Variants in STPG2 observed in about 807,000 individuals in gnomAD.
STPG2 encodes sperm tail PG-rich repeat containing 2.
In STPG2, 56 loss-of-function variants were observed where a neutral mutation model predicts 54.2. That is an observed-to-expected ratio of 1.03 (90% confidence interval 0.83 to 1.29). STPG2 has a LOEUF of 1.29. Among genes scored for constraint, STPG2 ranks in the 50% most tolerant of loss-of-function variants. The pLI is 0.00. For synonymous variants in STPG2, 200 were observed against 181.8 expected (o/e 1.10, Z -0.81); for missense variants, 596 against 544.9 (o/e 1.09, Z -0.93).
chr4:97,558,899 G>T lies in STPG2; in HGVS notation c.*159C>A, dbSNP rs889548060. 3 of 586,670 alleles carry T rather than the reference G, an allele frequency of 5.1e-6. No homozygotes were observed. Among genetic ancestry groups the T allele is most frequent in the Non-Finnish European group, 9.1e-6 (3 of 330,748 alleles). The allele number at this position is 586,670 out of a possible 1,614,324, so 36.3% of individuals were successfully genotyped here. On this transcript the variant is annotated 3_prime_UTR_variant, in exon 11 of 11. Coordinates refer to ENST00000295268, the MANE Select transcript of STPG2 (RefSeq NM_174952.3). Reference sequence around the variant, plus strand: ...TTGTCTTAACAAGGTTTATTTCTCCGTGGTTGTGTCATATAGTCACTAAAG... The same window carrying T: ...TTGTCTTAACAAGGTTTATTTCTCCTTGGTTGTGTCATATAGTCACTAAAG...
chr4:98,071,760 A>T (rs1010005442), intron 5 of STPG2, among the ~76,000 whole-genome samples: 1 of 152,190 alleles, frequency 6.6e-6, no homozygotes, highest in Admixed American at 6.5e-5. Context: ...CTAAACAGAC[A>T]CTTCTCAAAG....
chr4:97,555,868 G>A (rs547981505), downstream of STPG2, among the ~76,000 whole-genome samples: 6 of 152,134 alleles, frequency 3.9e-5, no homozygotes, highest in South Asian at 1.2e-3. Flanking sequence ...CTCTTGCTCT[G>A]AGTAAGTCAT....
intron 10 of STPG2, among the ~76,000 whole-genome samples, chr4:97,651,498 A>C (rs766964612): frequency 1.3e-5 from 2 of 152,114 alleles, no homozygotes; most frequent in African/African-American, 4.8e-5. Flanking sequence ...AATTAATATC[A>C]TCAAGGTAGA....
At chr4:97,950,869 G>C (rs1733438920) in intron 7 of STPG2, among the ~76,000 whole-genome samples, 1 of 152,144 alleles carries the variant, frequency 6.6e-6, no homozygotes, top group Non-Finnish European at 1.5e-5. Context: ...TTAGCCACAA[G>C]ATTAGAAATT....
intron 4 of STPG2, among the ~76,000 whole-genome samples, chr4:97,545,951 G>A (rs1361488029): frequency 6.6e-6 from 1 of 151,988 alleles, no homozygotes; most frequent in Non-Finnish European, 1.5e-5. Context: ...AATAAAAATG[G>A]AATGAGGTGT....
At position 97,942,154 on chromosome 4, in the gene STPG2, T is replaced by A. The variant is rs1192378581; in HGVS notation, c.1044+1743A>T. On this transcript the variant is annotated intron_variant, in intron 8 of 10. Coordinates refer to ENST00000295268, the MANE Select transcript of STPG2 (RefSeq NM_174952.3). ...ATATATGTGTGTATATATATATATA[T>A]TTAAAACGTATCTATACATATATAT... Among the ~76,000 whole-genome samples the A allele has an allele frequency of 3.3e-5, 5 of 150,260 alleles. No individual in the cohort carries two copies. The Admixed American group carries it at 3.3e-4, about 10-fold the overall frequency.
chr4:97,922,070 T>G (rs1285800726), intron 8 of STPG2, among the ~76,000 whole-genome samples: 1 of 152,152 alleles, frequency 6.6e-6, no homozygotes, highest in Non-Finnish European at 1.5e-5. Context: ...AAGTTTCTGA[T>G]AGGAAGAGTA....
chr4:97,800,848 C>T (rs1490648356), intron 9 of STPG2, among the ~76,000 whole-genome samples: 1 of 152,166 alleles, frequency 6.6e-6, no homozygotes, highest in Non-Finnish European at 1.5e-5. Context: ...AGCTTCCTGG[C>T]CACTTTGTTT....
At chr4:97,457,908 A>G (rs1729568821) in intron 4 of STPG2, among the ~76,000 whole-genome samples, 1 of 152,228 alleles carries the variant, frequency 6.6e-6, no homozygotes, top group African/African-American at 2.4e-5. Flanking sequence ...GGCAGTGATG[A>G]AAGAACTAAA....
At chr4:97,688,451 C>T (rs952331775) in intron 10 of STPG2, among the ~76,000 whole-genome samples, 3 of 152,154 alleles carry the variant, frequency 2.0e-5, no homozygotes, top group Non-Finnish European at 4.4e-5. Context: ...ACTGGACGCT[C>T]TGCCTCCCGG....
chr4:97,792,892 C>A (rs1426222630), intron 9 of STPG2, among the ~76,000 whole-genome samples: 1 of 152,154 alleles, frequency 6.6e-6, no homozygotes, highest in African/African-American at 2.4e-5. Flanking sequence ...TGGCTCACGT[C>A]TGTAATCGCA....
chr4:97,548,175 T>C (rs954370573), intron 4 of STPG2, among the ~76,000 whole-genome samples: 8 of 117,546 alleles, frequency 6.8e-5, no homozygotes, highest in Non-Finnish European at 1.4e-4. Flanking sequence ...CAAAACAAAA[T>C]ACATGAGTAG....
intron 4 of STPG2, among the ~76,000 whole-genome samples, chr4:97,479,478 G>T (rs1017917688): frequency 6.6e-6 from 1 of 151,820 alleles, no homozygotes; most frequent in African/African-American, 2.4e-5. Flanking sequence ...AGTCTTCAAA[G>T]AATACTACAT....
chr4:98,025,587 A>G (rs6848397), intron 5 of STPG2: 276,315 of 736,974 alleles, frequency 0.37, 53,781 homozygotes, highest in Middle Eastern at 0.44. Flanking sequence ...GCTTATGCCC[A>G]TATAGACAGG....
chr4:97,594,984 A>C (rs1209956361), intron 10 of STPG2, among the ~76,000 whole-genome samples: 1 of 152,124 alleles, frequency 6.6e-6, no homozygotes, highest in Non-Finnish European at 1.5e-5. Context: ...AAATAGGAAC[A>C]CTTTTACACT....
intron 5 of STPG2, among the ~76,000 whole-genome samples, chr4:98,060,574 T>C (rs187717185): frequency 2.7e-4 from 41 of 152,276 alleles, no homozygotes; most frequent in Non-Finnish European, 1.6e-4. Context: ...TATTTTTAAA[T>C]GGTATGGAGT....
At position 97,748,073 on chromosome 4, in the gene STPG2, A is replaced by C. The variant is rs1029766063; in HGVS notation, c.1205-35259T>G. The stretch of plus-strand genomic sequence containing the variant: ...CATTTTCATGTGAGAACTGAAAATG[A>C]GCTGCTTCTGTTCCTTGCTACGGTG... On this transcript the variant is annotated intron_variant, in intron 9 of 10. Coordinates refer to ENST00000295268, the MANE Select transcript of STPG2 (RefSeq NM_174952.3). Among the ~76,000 whole-genome samples, 4 of 151,460 alleles carry C rather than the reference A, an allele frequency of 2.6e-5. No individual in the cohort carries two copies. The East Asian group carries it at 5.8e-4, about 22-fold the overall frequency.
chr4:97,862,992 C>G (rs1486011218), intron 8 of STPG2, among the ~76,000 whole-genome samples: 1 of 152,050 alleles, frequency 6.6e-6, no homozygotes, highest in Non-Finnish European at 1.5e-5. Flanking sequence ...CAACAGAAAG[C>G]AGGAAAGATC....
chr4:97,907,093 G>T (rs569091620), intron 8 of STPG2, among the ~76,000 whole-genome samples: 3 of 152,048 alleles, frequency 2.0e-5, no homozygotes, highest in African/African-American at 7.2e-5. Flanking sequence ...GTTTGCAGAC[G>T]ACATGATTGT....
Sources: gnomAD v4.1 joint callset for allele counts (sites outside exome capture counted in the v4.1 genomes callset) on GRCh38, gnomAD v4.1.1 for gene constraint, MANE v1.5 for transcripts, NCBI Gene and HGNC (gene_info 2026-07-23, HGNC 2026-07-21) for gene names.